MYO18B: variants seen among roughly 807,000 people sequenced by gnomAD.
The protein encoded by MYO18B is myosin XVIIIB.
In MYO18B, 204 loss-of-function variants were observed where a neutral mutation model predicts 273.0. The observed-to-expected ratio is 0.75, with a 90% confidence interval of 0.67 to 0.84. MYO18B has a LOEUF of 0.84. MYO18B is among the 40% of genes least tolerant of loss of function. The pLI is 0.00. For synonymous variants in MYO18B, 1,330 were observed against 1,305.7 expected (o/e 1.02, Z -0.40); for missense variants, 3,212 against 3,287.6 (o/e 0.98, Z 0.56).
At chr22:25,890,099 A>G (rs1473375766) in intron 25 of MYO18B, among the ~76,000 whole-genome samples, 1 of 152,260 alleles carries the variant, frequency 6.6e-6, no homozygotes, top group Non-Finnish European at 1.5e-5. Flanking sequence ...CATTCAACCT[A>G]GTTTTCATGG....
At chr22:25,813,357 C>T (rs1054564848) in intron 12 of MYO18B, among the ~76,000 whole-genome samples, 1 of 152,048 alleles carries the variant, frequency 6.6e-6, no homozygotes, top group East Asian at 1.9e-4. Flanking sequence ...GTCCCTCTCC[C>T]TTCTTTTCTT....
In MYO18B at chr22:25,952,310, G is replaced by A. The variant is rs374817192; in HGVS notation, c.5857G>A (p.Glu1953Lys). ...GCTGCAGGTGGCTCAGATGCGCATC[G>A]AGTACCTGGAACAGTCCACCGTGGA... ...EQLQVAQMRI[E>K]YLEQSTVDRA... Residue 1953 changes from glutamate to lysine, a missense_variant, in exon 38 of 44, where the codon GAG becomes AAG. Physicochemically the swap from Glu to Lys is moderately conservative, Grantham distance 56 (BLOSUM62 1). Transcript: ENST00000335473. 28 of 1,610,576 alleles carry A rather than the reference G, an allele frequency of 1.7e-5. No homozygotes were observed. In the East Asian group the frequency reaches 3.1e-4, roughly 18 times the overall value.
At chr22:25,972,269 G>A (rs933899310) in intron 39 of MYO18B, among the ~76,000 whole-genome samples, 1 of 152,008 alleles carries the variant, frequency 6.6e-6, no homozygotes, top group African/African-American at 2.4e-5. Context: ...TGATTCTGTG[G>A]TTAGTTGCTT....
At chr22:26,023,392 A>T (rs55704193) in intron 42 of MYO18B, among the ~76,000 whole-genome samples, 12,707 of 152,240 alleles carry the variant, frequency 0.083, 570 homozygotes, top group Non-Finnish European at 0.1. Flanking sequence ...AGACACTGTC[A>T]GTTCAGACTT....
chr22:25,885,647 C>T (rs565659027), intron 25 of MYO18B, among the ~76,000 whole-genome samples: 1 of 152,082 alleles, frequency 6.6e-6, no homozygotes, highest in African/African-American at 2.4e-5. Context: ...TCAGGAGAAT[C>T]ACATTCGAGG....
chr22:25,823,293 C>G (rs116315119), intron 12 of MYO18B, among the ~76,000 whole-genome samples: 71 of 152,290 alleles, frequency 4.7e-4, no homozygotes, highest in African/African-American at 1.6e-3. Flanking sequence ...ATGCAAATGG[C>G]GAGGAAGTCG....
intron 39 of MYO18B, among the ~76,000 whole-genome samples, chr22:25,990,796 C>T (rs2093262000): frequency 6.7e-6 from 1 of 148,668 alleles, no homozygotes; most frequent in South Asian, 2.2e-4. Flanking sequence ...TACTCAGTTC[C>T]ATGGGGAGCT....
chr22:25,797,639 TC>T, intron 11 of MYO18B, among the ~76,000 whole-genome samples: 1 of 152,308 alleles, frequency 6.6e-6, no homozygotes, highest in East Asian at 1.9e-4. Context: ...AAAGTCAAGG[TC>T]TGGGCTTTGC....
intron 11 of MYO18B, among the ~76,000 whole-genome samples, chr22:25,792,125 C>G (rs13053185): frequency 0.74 from 112,109 of 152,078 alleles, 41,442 homozygotes; most frequent in East Asian, 0.86. Context: ...AAGCAACACC[C>G]TTGGATGACA....
At chr22:25,844,776 G>C (rs2090185621) in intron 18 of MYO18B, among the ~76,000 whole-genome samples, 1 of 152,210 alleles carries the variant, frequency 6.6e-6, no homozygotes, top group Admixed American at 6.5e-5. Flanking sequence ...TGAACATCCA[G>C]CTCCTGGAGA....
rs1379852488 is a variant in MYO18B at position 25,883,932 on chromosome 22, TAAG to T, written c.4314+5888_4314+5890del. On this transcript the variant is annotated intron_variant, in intron 25 of 43. Coordinates refer to ENST00000335473, the MANE Select transcript of MYO18B (RefSeq NM_032608.7). This position sits in a 1 kb window ranked among gnomAD's most constrained non-coding sequence, Gnocchi z 7.6. ...GCAAACTGGGGTTTTTTTATTTTCA[TAAG>T]AAGGCAGTGCTGGCCTTCTTGTTGG... 6.6e-6 allele frequency among the ~76,000 whole-genome samples: 1 copy of T among 152,156 alleles called. No homozygotes were observed. The highest frequency in any genetic ancestry group is 1.5e-5 in the Non-Finnish European group (1 of 68,020).
intron 42 of MYO18B, among the ~76,000 whole-genome samples, chr22:26,020,625 A>G (rs1382757515): frequency 8.5e-5 from 13 of 152,208 alleles, no homozygotes; most frequent in Non-Finnish European, 1.5e-4. Flanking sequence ...GTTTAACTGT[A>G]GTGTCTTTTG....
chr22:25,869,577 G>A (rs2090992930), intron 22 of MYO18B, among the ~76,000 whole-genome samples: 1 of 152,040 alleles, frequency 6.6e-6, no homozygotes, highest in Admixed American at 6.6e-5. Flanking sequence ...TTACTTACTG[G>A]TTGATGAATG....
In MYO18B at chr22:25,908,332, G is replaced by A. The variant is rs779112822; in HGVS notation, c.5159G>A (p.Arg1720Gln). ...TIKQLEQLRQRFELEIERMKQ... is the reference protein window; with the variant it reads ...TIKQLEQLRQQFELEIERMKQ... ...TTGCTGCCCCCGCAGCTCCGCCAGC[G>A]GTTTGAGCTGGAGATCGAGCGGATG... The change falls in exon 32 of 44, where the codon CGG (arginine) becomes CAG (glutamine). Residue 1720 changes from arginine (R) to glutamine (Q), a missense_variant. Physicochemically the swap from Arg to Gln is conservative, Grantham distance 43. Transcript: ENST00000335473. The A allele has an allele frequency of 8.8e-6, 14 of 1,585,420 alleles. No individual in the cohort carries two copies. Among genetic ancestry groups the A allele is most frequent in the African/African-American group, 5.4e-5 (4 of 74,352 alleles).
chr22:25,825,545 T>C (rs1316956843), intron 13 of MYO18B, among the ~76,000 whole-genome samples: 1 of 152,208 alleles, frequency 6.6e-6, no homozygotes, highest in East Asian at 1.9e-4. Flanking sequence ...CGTGTGTGTG[T>C]GTATTCGAGC....
chr22:26,020,826 C>T (rs370035581), intron 42 of MYO18B, among the ~76,000 whole-genome samples: 34 of 152,262 alleles, frequency 2.2e-4, no homozygotes, highest in Non-Finnish European at 4.7e-4. Context: ...CCGTGACTCA[C>T]GCCTGTAATC....
At chr22:26,061,343 C>T in the MYO18B span, among the ~76,000 whole-genome samples, 1 of 152,038 alleles carries the variant, frequency 6.6e-6, no homozygotes, top group Admixed American at 6.5e-5. Context: ...AGGTCCTGAC[C>T]CTGAATCCTG....
At chr22:25,755,498 G>A (rs1013185171) in intron 1 of MYO18B, among the ~76,000 whole-genome samples, 1 of 152,326 alleles carries the variant, frequency 6.6e-6, no homozygotes, top group East Asian at 1.9e-4. Flanking sequence ...GAGCCACCGC[G>A]CCCAGCCACT....
At chr22:25,759,721 A>G (rs2086241571) in intron 1 of MYO18B, among the ~76,000 whole-genome samples, 1 of 152,218 alleles carries the variant, frequency 6.6e-6, no homozygotes, top group Non-Finnish European at 1.5e-5. Context: ...ATAAACAAGG[A>G]AATATAGTAA....
Sources: allele counts gnomAD v4.1 joint callset (sites outside exome capture counted in the v4.1 genomes callset), GRCh38; gene constraint gnomAD v4.1.1; non-coding constraint Gnocchi (gnomAD v3.1); transcripts MANE v1.5; gene names NCBI Gene and HGNC (gene_info 2026-07-23, HGNC 2026-07-21).